The following AFF3 variants were observed in gnomAD, a reference collection of about 807,000 sequenced individuals.
The protein encoded by AFF3 is ALF transcription elongation factor 3, also known as AF4/FMR2 family member 3.
Under a neutral mutation model 129.7 loss-of-function variants are expected in AFF3, and 32 were observed. The ratio of observed to expected loss-of-function variants is 0.25; its 90% CI spans 0.19 to 0.33. AFF3 has a LOEUF of 0.33. Ranked by LOEUF, AFF3 falls within the 10% of genes least tolerant of loss-of-function variation. The pLI is 1.00. For missense variants in AFF3, 1,373 were observed against 1,592.0 expected (o/e 0.86, Z 2.34); for synonymous variants, 644 against 635.4 (o/e 1.01, Z -0.20).
intron 8 of AFF3, among the ~76,000 whole-genome samples, chr2:99,775,579 G>A (rs1356725050): frequency 1.3e-5 from 2 of 152,074 alleles, no homozygotes; most frequent in Admixed American, 6.6e-5. Context: ...GTAGGAGGAG[G>A]GAAAAATCAG....
At chr2:100,016,439 T>TG (rs148851593) in intron 4 of AFF3, among the ~76,000 whole-genome samples, 68,692 of 145,960 alleles carry the variant, frequency 0.47, 15,962 homozygotes, top group Middle Eastern at 0.5. Context: ...GTGGTGGTGA[T>TG]GTGGTGGTGG....
rs1575457410 is a variant in AFF3 at position 99,594,281 on chromosome 2, C to T, written c.1380G>A (p.Pro460=). The change falls in exon 15 of 25, where the codon CCG becomes CCA. Residue 460 remains proline (P), a synonymous_variant. Transcript: ENST00000672756. ...PPHFSSPEAE[P]ASSNKWQLDK... ...CCAGCTGCCACTTGTTAGAGGATGCCGGTTCAGCCTGAAAGCAGAAAACCG... is the reference window on the plus strand; with the variant it reads ...CCAGCTGCCACTTGTTAGAGGATGCTGGTTCAGCCTGAAAGCAGAAAACCG... 2.5e-6 allele frequency: 4 copies of T among 1,603,984 alleles called. No individual in the cohort carries two copies. Among genetic ancestry groups the T allele is most frequent in the Non-Finnish European group, 3.4e-6 (4 of 1,172,708 alleles).
chr2:99,858,372 C>T (rs1690683671), intron 7 of AFF3, among the ~76,000 whole-genome samples: 1 of 148,054 alleles, frequency 6.8e-6, no homozygotes, highest in Non-Finnish European at 1.5e-5. Flanking sequence ...GTGGCGAAAC[C>T]CTGTTTCTAC....
intron 7 of AFF3, among the ~76,000 whole-genome samples, chr2:99,933,210 A>G (rs1674206497): frequency 6.6e-6 from 1 of 152,196 alleles, no homozygotes; most frequent in African/African-American, 2.4e-5. Flanking sequence ...TCTTTCAGAC[A>G]AACACAACAT....
At position 99,947,579 on chromosome 2, in the gene AFF3, AAAAG is replaced by A. The variant is rs1163104965; in HGVS notation, c.873+59049_873+59052del. On this transcript the variant is annotated intron_variant, in intron 7 of 24. Transcript: ENST00000672756. ...AGAGAGAAAGAGAAAGAAAGAAAAGAAAAGAAAGAAAGAAAGAAAGAAAGATAGA... is the reference window on the plus strand; with the variant it reads ...AGAGAGAAAGAGAAAGAAAGAAAAGAAAAGAAAGAAAGAAAGAAAGATAGA... Among the ~76,000 whole-genome samples the A allele has an allele frequency of 3.5e-3, 474 of 134,330 alleles. 2 individuals carry two copies. Among genetic ancestry groups the A allele is most frequent in the African/African-American group, 8.8e-3 (275 of 31,282 alleles). The allele number at this position is 134,330 out of a possible 152,430, so 88.1% of individuals were successfully genotyped here.
Position 99,904,988 on chromosome 2 carries a change from A to G in AFF3, c.874-67464T>C, listed in dbSNP as rs1694609556. ...GACTCCCCTTTCCTCCAATCTCCCC[A>G]CTGCTGCTCCCACCACTGGCTTCTT... On this transcript the variant is annotated intron_variant, in intron 7 of 24. Coordinates refer to ENST00000672756, the MANE Select transcript of AFF3 (RefSeq NM_001386135.1). Among the ~76,000 whole-genome samples, 7 of 151,594 alleles carry G rather than the reference A, an allele frequency of 4.6e-5. No homozygotes were observed. The South Asian group carries it at 1.5e-3, about 32-fold the overall frequency.
At chr2:99,672,422 A>C in intron 12 of AFF3, 116 bp downstream of exon 12, 1 of 933,284 alleles carries the variant, frequency 1.1e-6, no homozygotes. Context: ...CTTAGCAGAC[A>C]AAAGACCAGC....
intron 13 of AFF3, 152 bp from the exon 14 acceptor site, chr2:99,601,773 A>G (rs2105083500): frequency 1.0e-6 from 1 of 961,200 alleles, no homozygotes. Flanking sequence ...AAGAGCAGGC[A>G]TCGAGGTCAA....
At position 99,889,466 on chromosome 2, in the gene AFF3, G is replaced by A. The variant is rs536141095; in HGVS notation, c.874-51942C>T. Among the ~76,000 whole-genome samples the A allele has an allele frequency of 5.3e-5, 8 of 152,340 alleles. No homozygotes were observed. The East Asian group carries it at 1.3e-3, about 26-fold the overall frequency. On this transcript the variant is annotated intron_variant, in intron 7 of 24. Coordinates refer to ENST00000672756, the MANE Select transcript of AFF3 (RefSeq NM_001386135.1). ...TTGACACATGCCATCTCCAACATGTGTTCTCACTATGACAGATTTATATGA... is the reference window on the plus strand; with the variant it reads ...TTGACACATGCCATCTCCAACATGTATTCTCACTATGACAGATTTATATGA...
At chr2:99,750,273 C>T (rs1239197989) in intron 9 of AFF3, among the ~76,000 whole-genome samples, 1 of 152,018 alleles carries the variant, frequency 6.6e-6, no homozygotes. Flanking sequence ...ACAGTCAATG[C>T]TCAAGCTTAG....
intron 12 of AFF3, among the ~76,000 whole-genome samples, chr2:99,656,059 G>T (rs1685720734): frequency 6.6e-6 from 1 of 152,182 alleles, no homozygotes; most frequent in South Asian, 2.1e-4. Flanking sequence ...ATAAGAGCAG[G>T]GGGCAAAGGC....
intron 4 of AFF3, among the ~76,000 whole-genome samples, chr2:100,092,014 G>A (rs1239310100): frequency 6.7e-6 from 1 of 148,498 alleles, no homozygotes; most frequent in Non-Finnish European, 1.5e-5. Flanking sequence ...CTCCTCCTCC[G>A]CCCTAGACAA....
At chr2:99,707,649 T>C (rs1366329374) in intron 11 of AFF3, 8 of 985,312 alleles carry the variant, frequency 8.1e-6, no homozygotes, top group South Asian at 4.7e-5. Context: ...ATTCCAAATC[T>C]TTCCATTCCT....
At chr2:99,896,264 T>A (rs564953451) in intron 7 of AFF3, among the ~76,000 whole-genome samples, 12 of 152,198 alleles carry the variant, frequency 7.9e-5, no homozygotes, top group African/African-American at 2.9e-4. Context: ...TGAAACTGTG[T>A]ACTATGGAAT....
At chr2:100,128,369 A>G (rs553104224) in intron 2 of AFF3, among the ~76,000 whole-genome samples, 6 of 152,304 alleles carry the variant, frequency 3.9e-5, no homozygotes, top group Admixed American at 2.0e-4. Flanking sequence ...TAAAACAGGT[A>G]TGGATAATAC....
At chr2:100,053,561 CATCT>C (rs1181262524) in intron 4 of AFF3, among the ~76,000 whole-genome samples, 3 of 152,212 alleles carry the variant, frequency 2.0e-5, no homozygotes, top group Admixed American at 1.3e-4. Context: ...CACCTAGAAT[CATCT>C]TTGACATGGG....
intron 8 of AFF3, among the ~76,000 whole-genome samples, chr2:99,779,688 C>T (rs1406970750): frequency 3.3e-5 from 5 of 152,222 alleles, no homozygotes; most frequent in Non-Finnish European, 5.9e-5. Context: ...CCACCTTTCA[C>T]GGTCTATTAT....
chr2:99,569,003 C>A, intron 18 of AFF3, 88 bp from the exon 19 acceptor site: 2 of 1,324,334 alleles, frequency 1.5e-6, no homozygotes, highest in South Asian at 2.4e-5. Flanking sequence ...AAACTTAAGG[C>A]ACAATTTAAA....
intron 24 of AFF3, among the ~76,000 whole-genome samples, chr2:99,553,918 C>CAAAAAAAAAAAAA (rs61326965): frequency 1.9e-4 from 11 of 56,874 alleles, no homozygotes; most frequent in East Asian, 5.7e-4. Flanking sequence ...TGTCTCAAAC[C>CAAAAAAAAAAAAA]AAAAAAAAAA....
Sources: allele counts gnomAD v4.1 joint callset (sites outside exome capture counted in the v4.1 genomes callset), GRCh38; gene constraint gnomAD v4.1.1; transcripts MANE v1.5; gene names NCBI Gene and HGNC (gene_info 2026-07-23, HGNC 2026-07-21).